The following IKZF3 variants were observed in gnomAD, a reference collection of about 807,000 sequenced individuals.
IKZF3 encodes the protein IKAROS family zinc finger 3.
IKZF3 carries 10 observed loss-of-function variants against 49.0 expected under a neutral mutation model. The observed-to-expected ratio is 0.20, with a 90% CI of 0.13 to 0.35. The LOEUF (loss-of-function observed/expected upper bound fraction) is 0.35, where lower values mean the gene tolerates loss of function less well. Ranked by LOEUF, IKZF3 falls within the 10% of genes least tolerant of loss-of-function variation. IKZF3 has a pLI of 1.00. For synonymous variants in IKZF3, 209 were observed against 228.2 expected, an observed-to-expected ratio of 0.92 and a Z score of 0.76; for missense variants, 498 against 664.8, an observed-to-expected ratio of 0.75 and a Z score of 2.76.
chr17:39,780,243 T>TAA (rs398041675), intron 6 of IKZF3, among the ~76,000 whole-genome samples: 3,408 of 105,724 alleles, frequency 0.032, 172 homozygotes, highest in African/African-American at 0.11. Context: ...AGACTCTGTC[T>TAA]AAAAAAAAAA....
intron 1 of IKZF3, among the ~76,000 whole-genome samples, chr17:39,851,304 C>G (rs904846065): frequency 1.3e-4 from 20 of 152,022 alleles, no homozygotes; most frequent in Non-Finnish European, 1.0e-4. Flanking sequence ...GCTGGAATTA[C>G]AGGCGTGAGC....
intron 6 of IKZF3, among the ~76,000 whole-genome samples, chr17:39,786,688 G>A (rs1363126562): frequency 6.6e-6 from 1 of 152,076 alleles, no homozygotes; most frequent in Non-Finnish European, 1.5e-5. Context: ...TGAGCTCCTG[G>A]GCTCAAGCAA....
At chr17:39,814,424 A>C (rs1279398673) in intron 3 of IKZF3, among the ~76,000 whole-genome samples, 1 of 152,224 alleles carries the variant, frequency 6.6e-6, no homozygotes, top group Non-Finnish European at 1.5e-5. Flanking sequence ...TCTATTTGAT[A>C]TTTAGTTACA....
chr17:39,796,982 G>A (rs2061181498), intron 3 of IKZF3, among the ~76,000 whole-genome samples: 1 of 151,368 alleles, frequency 6.6e-6, no homozygotes, highest in Non-Finnish European at 1.5e-5. Context: ...GACTAACATG[G>A]TGAAACCCCA....
chr17:39,841,436 T>C (rs1344612556), intron 1 of IKZF3, among the ~76,000 whole-genome samples: 2 of 152,046 alleles, frequency 1.3e-5, no homozygotes, highest in African/African-American at 4.8e-5. Flanking sequence ...AGAGGGCATC[T>C]ACATTTTAGG....
intron 3 of IKZF3, among the ~76,000 whole-genome samples, chr17:39,798,959 C>T (rs1336841247): frequency 6.6e-6 from 1 of 150,616 alleles, no homozygotes; most frequent in East Asian, 1.9e-4. Flanking sequence ...TGTAAACTAG[C>T]TGAGGGCAGA....
chr17:39,819,938 T>G (rs1263493758), intron 3 of IKZF3, among the ~76,000 whole-genome samples: 1 of 152,210 alleles, frequency 6.6e-6, no homozygotes, highest in African/African-American at 2.4e-5. Context: ...CTCAAAGTAT[T>G]GGGATTACAG....
At chr17:39,841,109 C>T (rs1598174916) in intron 1 of IKZF3, among the ~76,000 whole-genome samples, 2 of 151,490 alleles carry the variant, frequency 1.3e-5, no homozygotes, top group African/African-American at 4.9e-5. Context: ...CCCTGGAAGT[C>T]GAGGCTGCAG....
intron 1 of IKZF3, among the ~76,000 whole-genome samples, chr17:39,859,473 C>T (rs952252805): frequency 2.0e-5 from 3 of 151,566 alleles, no homozygotes; most frequent in African/African-American, 4.8e-5. Context: ...ACGGTAGCCT[C>T]GACCTCCCAG....
intron 3 of IKZF3, among the ~76,000 whole-genome samples, chr17:39,811,309 AAG>A (rs572867213): frequency 6.7e-6 from 1 of 149,420 alleles, no homozygotes; most frequent in South Asian, 2.1e-4. Context: ...GAGAAAGAGA[AAG>A]AGAGAAGGAA....
chr17:39,775,327 A>G (rs1356616212), intron 7 of IKZF3, among the ~76,000 whole-genome samples: 1 of 152,194 alleles, frequency 6.6e-6, no homozygotes, highest in African/African-American at 2.4e-5. Flanking sequence ...GGTTCAGAAG[A>G]TGAGAGAAAT....
chr17:39,856,614 T>C (rs2144569941), intron 1 of IKZF3, among the ~76,000 whole-genome samples: 1 of 152,198 alleles, frequency 6.6e-6, no homozygotes, highest in East Asian at 1.9e-4. Context: ...GAGATCAGCC[T>C]GGCCAACATG....
At chr17:39,830,723 T>A (rs543388985) in intron 2 of IKZF3, among the ~76,000 whole-genome samples, 47 of 152,138 alleles carry the variant, frequency 3.1e-4, no homozygotes, top group Admixed American at 6.5e-4. Context: ...ATTTGCTGAG[T>A]TCCCATTAAT....
intron 7 of IKZF3, among the ~76,000 whole-genome samples, chr17:39,776,714 A>G (rs1026143026): frequency 3.3e-5 from 5 of 152,242 alleles, no homozygotes. Context: ...ATTTAGTCAG[A>G]TTTAAAAACC....
rs762885347 is a variant in IKZF3 at position 39,792,904 on chromosome 17, T to G, written c.193A>C (p.Ser65Arg). 6.2e-7 allele frequency: 1 copy of G among 1,613,838 alleles called. No homozygotes were observed. Among genetic ancestry groups the G allele is most frequent in the Non-Finnish European group, 8.5e-7 (1 of 1,179,878 alleles). ...DDSMKVKDEY[S>R]ERDENVLKSE... ...TTTAAAACATTCTCATCTCTTTCAC[T>G]GTATTCATCTTTCACTTTCATTGAA... is the stretch of plus-strand genomic sequence containing the variant. The change falls in exon 4 of 8, where the codon AGT becomes CGT. Residue 65 changes from serine to arginine, a missense_variant. This residue lies in a region of IKZF3 where 97 missense variants were observed against 98.9 expected (regional missense o/e 0.98). Coordinates refer to ENST00000346872, the MANE Select transcript of IKZF3 (RefSeq NM_012481.5).
chr17:39,857,699 T>A, intron 1 of IKZF3, among the ~76,000 whole-genome samples: 1 of 152,140 alleles, frequency 6.6e-6, no homozygotes, highest in East Asian at 1.9e-4. Flanking sequence ...CCCTTTACTA[T>A]AAAAGCTGGG....
At chr17:39,787,631 C>A (rs530147454) in intron 6 of IKZF3, among the ~76,000 whole-genome samples, 1 of 152,354 alleles carries the variant, frequency 6.6e-6, no homozygotes, top group Non-Finnish European at 1.5e-5. Context: ...ACCTCTACCA[C>A]TAACAAGACA....
intron 3 of IKZF3, among the ~76,000 whole-genome samples, chr17:39,823,832 A>G (rs946465594): frequency 6.6e-6 from 1 of 152,246 alleles, no homozygotes; most frequent in African/African-American, 2.4e-5. Context: ...GTATGAAAAC[A>G]TCGGATGTCC....
chr17:39,791,887 C>CTTTTT (rs1211244204), intron 4 of IKZF3, among the ~76,000 whole-genome samples: 29 of 126,818 alleles, frequency 2.3e-4, no homozygotes, highest in African/African-American at 8.9e-4. Flanking sequence ...TTGGTACTCC[C>CTTTTT]TTTTTTTTTT....
Sources: gnomAD v4.1 joint callset for allele counts (sites outside exome capture counted in the v4.1 genomes callset) on GRCh38, gnomAD v4.1.1 for gene constraint, gnomAD v4.1.1 regional missense constraint, MANE v1.5 for transcripts, NCBI Gene and HGNC (gene_info 2026-07-23, HGNC 2026-07-21) for gene names.